Variants in TMEM123 observed in about 807,000 individuals in gnomAD.
TMEM123 encodes the protein transmembrane protein 123.
TMEM123 carries 16 observed loss-of-function variants against 19.7 expected under a neutral mutation model. The observed-to-expected ratio is 0.81, with a 90% CI of 0.55 to 1.23. The LOEUF (loss-of-function observed/expected upper bound fraction) is 1.23. TMEM123 is among the 50% of genes most tolerant of loss of function. The pLI is 0.00. For synonymous variants in TMEM123, 118 were observed against 99.4 expected (o/e 1.19, Z -1.12); for missense variants, 313 against 257.8 (o/e 1.21, Z -1.47).
intron 2 of TMEM123, among the ~76,000 whole-genome samples, chr11:102,438,304 A>T (rs1412219881): frequency 6.6e-6 from 1 of 152,152 alleles, no homozygotes; most frequent in Non-Finnish European, 1.5e-5. Context: ...TGCTCCCCTC[A>T]GCCTCCCAGA....
At chr11:102,431,216 T>C (rs1565353367) in intron 2 of TMEM123, among the ~76,000 whole-genome samples, 1 of 152,230 alleles carries the variant, frequency 6.6e-6, no homozygotes, top group East Asian at 1.9e-4. Context: ...TTTTGATATA[T>C]GTACACAATG....
chr11:102,449,989 C>T (rs532399139), intron 1 of TMEM123, among the ~76,000 whole-genome samples: 1 of 152,256 alleles, frequency 6.6e-6, no homozygotes, highest in South Asian at 2.1e-4. Flanking sequence ...ACCTGCTCCT[C>T]CCCCAACCTT....
chr11:102,420,786 C>T, intron 2 of TMEM123, among the ~76,000 whole-genome samples: 1 of 152,104 alleles, frequency 6.6e-6, no homozygotes, highest in Non-Finnish European at 1.5e-5. Flanking sequence ...AGGGGGCCAC[C>T]GGGCCTGGTG....
chr11:102,401,322 T>C (rs1951910459), intron 4 of TMEM123, among the ~76,000 whole-genome samples: 1 of 152,166 alleles, frequency 6.6e-6, no homozygotes, highest in Admixed American at 6.5e-5. Flanking sequence ...GTAAAATACA[T>C]TTTTTTAAGT....
intron 2 of TMEM123, among the ~76,000 whole-genome samples, chr11:102,425,649 T>C (rs1250954792): frequency 6.6e-6 from 1 of 150,440 alleles, no homozygotes; most frequent in Non-Finnish European, 1.5e-5. Context: ...AGTGGCATGG[T>C]TGCAGCTCAC....
At chr11:102,421,519 CAAA>C (rs796847554) in intron 2 of TMEM123, among the ~76,000 whole-genome samples, 2 of 140,972 alleles carry the variant, frequency 1.4e-5, no homozygotes, top group Non-Finnish European at 1.6e-5. Context: ...ATTCAGTCAG[CAAA>C]AAAAAAAACT....
rs1431905501 is a variant in TMEM123, at chr11:102,398,798, T to C, written c.*69A>G. On this transcript the variant is annotated 3_prime_UTR_variant, in exon 5 of 5. Coordinates refer to ENST00000398136, the MANE Select transcript of TMEM123 (RefSeq NM_052932.3). The stretch of plus-strand genomic sequence containing the variant: ...TCAAAAAGAGAATATTGTTTTAAAC[T>C]ATTAATAAACCAAAATTAATTGATA... 1.6e-5 allele frequency: 24 copies of C among 1,516,640 alleles called. No individual in the cohort carries two copies. The highest frequency in any genetic ancestry group is 2.1e-5 in the Non-Finnish European group (23 of 1,101,494). The allele number at this position is 1,516,640 out of a possible 1,614,324, so 93.9% of individuals were successfully genotyped here.
intron 2 of TMEM123, among the ~76,000 whole-genome samples, chr11:102,432,810 G>C (rs946572500): frequency 6.6e-6 from 1 of 152,238 alleles, no homozygotes; most frequent in Non-Finnish European, 1.5e-5. Flanking sequence ...GGGACATAGT[G>C]CCCTGCGTCT....
intron 2 of TMEM123, among the ~76,000 whole-genome samples, chr11:102,405,987 G>A (rs1565347658): frequency 1.3e-5 from 2 of 152,182 alleles, no homozygotes; most frequent in Admixed American, 1.3e-4. Flanking sequence ...TCTGTAATAA[G>A]TAAATAGTCA....
intron 2 of TMEM123, among the ~76,000 whole-genome samples, chr11:102,440,646 G>C (rs750212354): frequency 1.3e-5 from 2 of 152,118 alleles, no homozygotes; most frequent in Non-Finnish European, 2.9e-5. Context: ...ATTAACTAAC[G>C]AGCAAAATAC....
intron 2 of TMEM123, among the ~76,000 whole-genome samples, chr11:102,440,574 C>CA (rs1565355839): frequency 6.6e-6 from 1 of 152,130 alleles, no homozygotes; most frequent in African/African-American, 2.4e-5. Flanking sequence ...AAGGAACAAC[C>CA]GTACCAGCCA....
At chr11:102,450,747 T>A (rs1428236798) in intron 1 of TMEM123, among the ~76,000 whole-genome samples, 1 of 152,220 alleles carries the variant, frequency 6.6e-6, no homozygotes, top group Admixed American at 6.5e-5. Flanking sequence ...ATCTATAAAA[T>A]GGGGACGATA....
At position 102,397,181 on chromosome 11, in the gene TMEM123, G is replaced by A. The variant is rs986361918; in HGVS notation, c.*1686C>T. On this transcript the variant is annotated 3_prime_UTR_variant, in exon 5 of 5. Coordinates refer to ENST00000398136, the MANE Select transcript of TMEM123 (RefSeq NM_052932.3). The stretch of plus-strand genomic sequence containing the variant: ...TACATCCAATCATATCCATATTTTG[G>A]ATCATTTTTTTCTATATTCATCAGA... 2.6e-5 allele frequency: 4 copies of A among 151,930 alleles called. No homozygotes were observed. The highest frequency in any genetic ancestry group is 9.7e-5 in the African/African-American group (4 of 41,348). 9.4% of individuals were successfully genotyped at this position (151,930 alleles called of 1,614,324 possible).
chr11:102,416,339 C>T (rs1235571307), intron 2 of TMEM123, among the ~76,000 whole-genome samples: 1 of 152,094 alleles, frequency 6.6e-6, no homozygotes, highest in African/African-American at 2.4e-5. Flanking sequence ...ACCACCAACC[C>T]TACAGAAATA....
rs1224001837 is a variant in TMEM123 at position 102,398,674 on chromosome 11, G to T, written c.*193C>A. 1.7e-6 allele frequency: 1 copy of T among 590,680 alleles called. No homozygotes were observed. Among genetic ancestry groups the T allele is most frequent in the East Asian group, 3.1e-5 (1 of 31,960 alleles). 36.6% of individuals were successfully genotyped at this position (590,680 alleles called of 1,614,324 possible). A position where few individuals can be genotyped will look rare whatever the true frequency, so the allele number is the denominator to read the frequency against. On this transcript the variant is annotated 3_prime_UTR_variant, in exon 5 of 5. Coordinates refer to ENST00000398136, the MANE Select transcript of TMEM123 (RefSeq NM_052932.3). ...TGTATGAACGGTCTATAAGGATCCA[G>T]ATGTTTATTTCAAAACCCAAACCCT...
intron 2 of TMEM123, among the ~76,000 whole-genome samples, chr11:102,445,161 G>C (rs1206807555): frequency 2.6e-5 from 4 of 152,008 alleles, no homozygotes; most frequent in African/African-American, 9.7e-5. Context: ...CCTAGAACTC[G>C]AAGTATAAAA....
intron 2 of TMEM123, among the ~76,000 whole-genome samples, chr11:102,440,717 A>G (rs1857816533): frequency 2.0e-5 from 3 of 152,228 alleles, no homozygotes; most frequent in Admixed American, 2.0e-4. Flanking sequence ...TTAAATGTAA[A>G]TGGGGTAAAT....
chr11:102,405,337 C>G (rs1302429809), intron 2 of TMEM123, among the ~76,000 whole-genome samples: 2 of 152,170 alleles, frequency 1.3e-5, no homozygotes, highest in Non-Finnish European at 2.9e-5. Flanking sequence ...CAGGTGTGAG[C>G]CACCGTGCCC....
chr11:102,406,048 T>C (rs564229666), intron 2 of TMEM123, among the ~76,000 whole-genome samples: 1 of 152,282 alleles, frequency 6.6e-6, no homozygotes, highest in East Asian at 1.9e-4. Flanking sequence ...TTCTTCCCTC[T>C]CCCTTAACTG....
Sources: allele counts gnomAD v4.1 joint callset (sites outside exome capture counted in the v4.1 genomes callset), GRCh38; gene constraint gnomAD v4.1.1; transcripts MANE v1.5; gene names NCBI Gene and HGNC (gene_info 2026-07-23, HGNC 2026-07-21).